Variants in KIAA0586 observed in about 807,000 individuals in gnomAD.
The protein encoded by KIAA0586 is protein TALPID3.
In KIAA0586, 144 loss-of-function variants were observed where a neutral mutation model predicts 169.8. That is an observed-to-expected ratio of 0.85 (90% CI 0.74 to 0.97). KIAA0586 has a LOEUF of 0.97. Ranked by LOEUF, KIAA0586 falls within the 50% of genes least tolerant of loss-of-function variation. The pLI is 0.00. For synonymous variants in KIAA0586, 625 were observed against 612.4 expected, an observed-to-expected ratio of 1.02 and a Z score of -0.30; for missense variants, 1,854 against 1,823.0, an observed-to-expected ratio of 1.02 and a Z score of -0.31.
chr14:58,542,201 G>A (rs780563207), intron 30 of KIAA0586, among the ~76,000 whole-genome samples: 7 of 152,050 alleles, frequency 4.6e-5, no homozygotes, highest in East Asian at 1.9e-4. Context: ...GTTTTCAGCC[G>A]GGCGCAGTGG....
chr14:58,505,150 C>T (rs2043844044), intron 27 of KIAA0586, among the ~76,000 whole-genome samples: 1 of 152,120 alleles, frequency 6.6e-6, no homozygotes, highest in Non-Finnish European at 1.5e-5. Flanking sequence ...TAATTATATG[C>T]ACACATGCAT....
intron 26 of KIAA0586, among the ~76,000 whole-genome samples, chr14:58,493,658 A>G (rs150129809): frequency 6.6e-6 from 1 of 152,208 alleles, no homozygotes; most frequent in East Asian, 1.9e-4. Flanking sequence ...AAGGCTTAAC[A>G]TATTCCTTCT....
chr14:58,538,639 G>A (rs1207194556), intron 29 of KIAA0586, among the ~76,000 whole-genome samples: 3 of 149,672 alleles, frequency 2.0e-5, no homozygotes, highest in African/African-American at 7.4e-5. Context: ...TCACCCTGTT[G>A]TGCTAGCAAA....
At chr14:58,537,048 T>G (rs1465366986) in intron 29 of KIAA0586, 2 of 1,269,038 alleles carry the variant, frequency 1.6e-6, no homozygotes, top group Admixed American at 4.8e-5. Context: ...CTGACAAACT[T>G]GAGAAGCAGT....
In KIAA0586 at chr14:58,547,684, G is replaced by A. The variant is rs376434377; in HGVS notation, c.4496-97G>A. The A allele has an allele frequency of 4.5e-5, 43 of 946,968 alleles. 1 individual carries two copies. In the East Asian group the frequency reaches 5.4e-4, roughly 12 times the overall value. 58.7% of individuals were successfully genotyped at this position (946,968 alleles called of 1,614,324 possible). A position where few individuals can be genotyped will look rare whatever the true frequency, so the allele number is the denominator to read the frequency against. On this transcript the variant is annotated intron_variant, in intron 30 of 30. Transcript: ENST00000652326. ...TAGGCAATCCTTATTTGGAATCCGCGCCCCCCCACCCCAACCTCATATTAT... is the reference window on the plus strand; with the variant it reads ...TAGGCAATCCTTATTTGGAATCCGCACCCCCCCACCCCAACCTCATATTAT...
chr14:58,435,315 T>A (rs1045008331), intron 4 of KIAA0586, among the ~76,000 whole-genome samples: 1 of 152,236 alleles, frequency 6.6e-6, no homozygotes, highest in African/African-American at 2.4e-5. Context: ...AATGACATTT[T>A]ATGCCCATAT....
intron 18 of KIAA0586, 150 bp from the exon 19 acceptor site, chr14:58,474,457 A>G (rs1227681884): frequency 1.1e-5 from 6 of 534,548 alleles, no homozygotes; most frequent in Non-Finnish European, 1.9e-5. Context: ...TAATGTGTAT[A>G]TTATAATTAA....
chr14:58,483,854 G>A (rs1218066176), intron 21 of KIAA0586, among the ~76,000 whole-genome samples: 1 of 152,112 alleles, frequency 6.6e-6, no homozygotes, highest in Non-Finnish European at 1.5e-5. Context: ...ATCATTTGAT[G>A]TATAAAGTTA....
At chr14:58,463,102 G>A (rs1228290675) in intron 14 of KIAA0586, among the ~76,000 whole-genome samples, 1 of 140,600 alleles carries the variant, frequency 7.1e-6, no homozygotes, top group Non-Finnish European at 1.5e-5. Context: ...TCTGTCTGGA[G>A]AGCTCTTCGT....
chr14:58,496,965 A>G (rs1390749346), intron 26 of KIAA0586, among the ~76,000 whole-genome samples: 2 of 119,430 alleles, frequency 1.7e-5, no homozygotes, highest in African/African-American at 3.2e-5. Flanking sequence ...CATAGATTTC[A>G]TTTAAAACAA....
the KIAA0586 span, among the ~76,000 whole-genome samples, chr14:58,557,991 C>T: frequency 7.7e-6 from 1 of 130,162 alleles, no homozygotes; most frequent in Non-Finnish European, 1.6e-5. Context: ...CTCACTAAAA[C>T]CTCCACCTAT....
At chr14:58,546,686 G>A (rs983818297) in intron 30 of KIAA0586, among the ~76,000 whole-genome samples, 1 of 152,052 alleles carries the variant, frequency 6.6e-6, no homozygotes, top group Non-Finnish European at 1.5e-5. Context: ...GTGAATTTGG[G>A]TATAGGCAGA....
chr14:58,442,760 A>G lies in KIAA0586; in HGVS notation c.465A>G (p.Ala155=). Residue 155 remains alanine, a synonymous_variant, in exon 5 of 31, where the codon GCA becomes GCG. Coordinates refer to ENST00000652326, the MANE Select transcript of KIAA0586 (RefSeq NM_001329943.3). ...KEVKVHLLED[A]GIEKDAVTQE... ...TAAAGGTACATCTGTTAGAAGATGCAGGCATAGAGAAGGATGCTGTTACTC... is the reference window on the plus strand; with the variant it reads ...TAAAGGTACATCTGTTAGAAGATGCGGGCATAGAGAAGGATGCTGTTACTC... 2 of 1,596,268 alleles carry G rather than the reference A, an allele frequency of 1.3e-6. No individual in the cohort carries two copies. The highest frequency in any genetic ancestry group is 3.5e-5 in the Admixed American group (2 of 56,928).
chr14:58,443,106 T>C (rs1300621885), intron 5 of KIAA0586, among the ~76,000 whole-genome samples: 2 of 152,220 alleles, frequency 1.3e-5, no homozygotes, highest in Admixed American at 1.3e-4. Flanking sequence ...TTTCCCAGTT[T>C]TAGCACTGAG....
chr14:58,468,107 G>A (rs752769404), intron 16 of KIAA0586, among the ~76,000 whole-genome samples, 185 bp downstream of exon 16: 18 of 152,068 alleles, frequency 1.2e-4, no homozygotes, highest in Non-Finnish European at 2.6e-4. Context: ...GGGCAATGGC[G>A]CAATCTCGGC....
intron 22 of KIAA0586, 109 bp from the exon 23 acceptor site, chr14:58,487,778 A>G: frequency 1.6e-6 from 1 of 644,950 alleles, no homozygotes; most frequent in Non-Finnish European, 2.7e-6. Context: ...AATTGCCATT[A>G]TTTGTGTGCT....
Position 58,453,334 on chromosome 14 carries a change from A to G in KIAA0586, c.1130-16A>G, listed in dbSNP as rs187748315. On this transcript the variant is annotated splice_polypyrimidine_tract_variant and intron_variant, in intron 8 of 30. Coordinates refer to ENST00000652326, the MANE Select transcript of KIAA0586 (RefSeq NM_001329943.3). ...ATTAGTATTTGGAAAATGATACTAT[A>G]TCTCTTCTATTTCAGGAAATGTAAG... 3 of 1,194,452 alleles carry G rather than the reference A, an allele frequency of 2.5e-6. No individual in the cohort carries two copies. The highest frequency in any genetic ancestry group is 3.5e-6 in the Non-Finnish European group (3 of 860,494). 74.0% of individuals were successfully genotyped at this position (1,194,452 alleles called of 1,614,324 possible).
At chr14:58,545,852 G>A (rs1214531704) in intron 30 of KIAA0586, among the ~76,000 whole-genome samples, 1 of 151,666 alleles carries the variant, frequency 6.6e-6, no homozygotes, top group Non-Finnish European at 1.5e-5. Flanking sequence ...GGCATCATAG[G>A]GAGACCCTCC....
rs1450165496 is a variant in KIAA0586, at chr14:58,508,452, T to G, written c.4169-103T>G. On this transcript the variant is annotated intron_variant, in intron 27 of 30. Coordinates refer to ENST00000652326, the MANE Select transcript of KIAA0586 (RefSeq NM_001329943.3). ...TTTGAAGTACACTGCTAGTTCTAAT[T>G]CAGCAGGTGAGAAATATTGGTGGTT... 4.6e-6 allele frequency: 4 copies of G among 875,764 alleles called. No individual in the cohort carries two copies. The African/African-American group carries it at 6.8e-5, about 15-fold the overall frequency. The allele number at this position is 875,764 out of a possible 1,614,324, so 54.2% of individuals were successfully genotyped here. A position where few individuals can be genotyped will look rare whatever the true frequency, so the allele number is the denominator to read the frequency against.
Sources: gnomAD v4.1 joint callset for allele counts (sites outside exome capture counted in the v4.1 genomes callset) on GRCh38, gnomAD v4.1.1 for gene constraint, MANE v1.5 for transcripts, NCBI Gene and HGNC (gene_info 2026-07-23, HGNC 2026-07-21) for gene names.